Variants in HTRA4 observed in about 807,000 individuals in gnomAD.
HTRA4 encodes the protein HtrA serine peptidase 4, also known as serine protease HTRA4.
HTRA4 carries 46 observed loss-of-function variants against 49.1 expected under a neutral mutation model. The ratio of observed to expected loss-of-function variants is 0.94; its 90% CI spans 0.74 to 1.20. The LOEUF (loss-of-function observed/expected upper bound fraction) is 1.20, where lower values mean the gene tolerates loss of function less well. Ranked by LOEUF, HTRA4 falls within the 50% of genes most tolerant of loss-of-function variation. The pLI is 0.00. For missense variants in HTRA4, 602 were observed against 636.9 expected, an observed-to-expected ratio of 0.95 and a Z score of 0.59; for synonymous variants, 261 against 264.0, an observed-to-expected ratio of 0.99 and a Z score of 0.11.
chr8:38,984,212 G>A (rs1452276889), intron 8 of HTRA4, among the ~76,000 whole-genome samples: 1 of 151,774 alleles, frequency 6.6e-6, no homozygotes, highest in African/African-American at 2.4e-5. Flanking sequence ...TGTTGGCCAG[G>A]CTGGTCTCGA....
rs1835511979 is a variant in HTRA4 at position 38,988,282 on chromosome 8, A to G, written c.*184A>G. 1 of 536,620 alleles carries G rather than the reference A, an allele frequency of 1.9e-6. No individual in the cohort carries two copies. The highest frequency in any genetic ancestry group is 3.2e-6 in the Non-Finnish European group (1 of 309,302). 33.2% of individuals were successfully genotyped at this position (536,620 alleles called of 1,614,324 possible). On this transcript the variant is annotated 3_prime_UTR_variant, in exon 9 of 9. Transcript: ENST00000302495. ...TGGATAAAGCAAATGTGGTACATAT[A>G]CACCATGGAATACTATGCAGCCATA...
At chr8:38,982,359 T>G in intron 6 of HTRA4, 139 bp from the exon 7 acceptor site, 1 of 685,240 alleles carries the variant, frequency 1.5e-6, no homozygotes, top group Non-Finnish European at 2.5e-6. Context: ...ATGACAAAGG[T>G]TCTCTGAAGC....
intron 7 of HTRA4, 120 bp downstream of exon 7, chr8:38,982,675 C>G: frequency 1.1e-6 from 1 of 872,794 alleles, no homozygotes; most frequent in Non-Finnish European, 1.9e-6. Context: ...GACCATAGGC[C>G]CTATCTGTCT....
At chr8:38,983,561 T>TG (rs36097113) in intron 8 of HTRA4, among the ~76,000 whole-genome samples, 17 of 152,018 alleles carry the variant, frequency 1.1e-4, no homozygotes, top group South Asian at 4.2e-4. Flanking sequence ...AGTAGTATAT[T>TG]GGGGGGGTGT....
At chr8:38,982,693 T>C (rs906309708) in intron 7 of HTRA4, 138 bp downstream of exon 7, 75 of 754,792 alleles carry the variant, frequency 9.9e-5, no homozygotes, top group Non-Finnish European at 1.1e-4. Context: ...TCTCAGGGTA[T>C]GTATCTGCCT....
intron 2 of HTRA4, among the ~76,000 whole-genome samples, 171 bp from the exon 3 acceptor site, chr8:38,976,364 C>T (rs1369731817): frequency 6.6e-6 from 1 of 152,058 alleles, no homozygotes; most frequent in African/African-American, 2.4e-5. Flanking sequence ...CGCCACTGCA[C>T]TCCAGCTTGG....
At chr8:38,983,884 T>C (rs986751481) in intron 8 of HTRA4, among the ~76,000 whole-genome samples, 1 of 152,110 alleles carries the variant, frequency 6.6e-6, no homozygotes, top group African/African-American at 2.4e-5. Context: ...ATAGCATAAG[T>C]TTAAATTAAT....
At chr8:38,984,126 G>C (rs931121626) in intron 8 of HTRA4, among the ~76,000 whole-genome samples, 2 of 151,654 alleles carry the variant, frequency 1.3e-5, no homozygotes, top group African/African-American at 4.8e-5. Context: ...TCAGCCTCCC[G>C]AGTAGCTGGG....
chr8:38,985,161 CTTTT>C (rs773305917), intron 8 of HTRA4, among the ~76,000 whole-genome samples: 1 of 130,696 alleles, frequency 7.7e-6, no homozygotes, highest in Non-Finnish European at 1.6e-5. Context: ...TGTTGTACTT[CTTTT>C]TTTTTTTTTT....
At chr8:38,981,992 C>T (rs368288412) in intron 6 of HTRA4, among the ~76,000 whole-genome samples, 1 of 152,020 alleles carries the variant, frequency 6.6e-6, no homozygotes, top group Non-Finnish European at 1.5e-5. Context: ...GGACTACAGG[C>T]ACCCACTGCC....
At position 38,980,937 on chromosome 8, in the gene HTRA4, A is replaced by G. The variant is rs118073019; in HGVS notation, c.1000-716A>G. ...AATCCCACAGCTTTTTACCTTTTCC[A>G]TGTTTATTTTTACTTTTAAATAATA... On this transcript the variant is annotated intron_variant, in intron 5 of 8. Transcript: ENST00000302495. Among the ~76,000 whole-genome samples the G allele has an allele frequency of 1.4e-3, 216 of 152,014 alleles. 2 individuals are homozygous for G. The East Asian group carries it at 0.039, about 28-fold the overall frequency.
In HTRA4 at chr8:38,977,985, A is replaced by G; in HGVS notation, c.804A>G (p.Ser268=). The G allele has an allele frequency of 6.2e-7, 1 of 1,614,104 alleles. No individual in the cohort carries two copies. The highest frequency in any genetic ancestry group is 8.5e-7 in the Non-Finnish European group (1 of 1,180,010). ...AELPVLMLGR[S]SDLRAGEFVV... is the part of the protein sequence containing the mutation. ...TTCCTGTACTGATGCTGGGAAGATC[A>G]TCTGACCTTCGGGCTGGAGAGTTTG... Residue 268 remains serine (S), a synonymous_variant, in exon 4 of 9, where the codon TCA becomes TCG. Transcript: ENST00000302495.
intron 2 of HTRA4, 51 bp downstream of exon 2, chr8:38,975,181 T>G (rs745450440): frequency 6.4e-7 from 1 of 1,557,808 alleles, no homozygotes; most frequent in Non-Finnish European, 8.8e-7. Flanking sequence ...GGTTTCTGCG[T>G]GCCTACCTGC....
In HTRA4 at chr8:38,988,183, C is replaced by A; in HGVS notation, c.*85C>A. On this transcript the variant is annotated 3_prime_UTR_variant, in exon 9 of 9. Coordinates refer to ENST00000302495, the MANE Select transcript of HTRA4 (RefSeq NM_153692.4). Reference sequence around the variant, plus strand: ...TGTATTGGAGATGTGCCAAACATGGCAAGAAGTTTTTGGATCTTTTTCTTA... The same window carrying A: ...TGTATTGGAGATGTGCCAAACATGGAAAGAAGTTTTTGGATCTTTTTCTTA... 1 of 1,277,746 alleles carries A rather than the reference C, an allele frequency of 7.8e-7. No individual in the cohort carries two copies. The highest frequency in any genetic ancestry group is 1.0e-6 in the Non-Finnish European group (1 of 961,038). The allele number at this position is 1,277,746 out of a possible 1,614,324, so 79.2% of individuals were successfully genotyped here. A position where few individuals can be genotyped will look rare whatever the true frequency, so the allele number is the denominator to read the frequency against.
chr8:38,977,178 C>T (rs111657881), intron 3 of HTRA4, among the ~76,000 whole-genome samples: 3,598 of 152,080 alleles, frequency 0.024, 169 homozygotes, highest in African/African-American at 0.082. Flanking sequence ...TCAAGTGATC[C>T]GCCCGCTTCG....
In HTRA4 at chr8:38,977,996, G is replaced by T. The variant is rs763540442; in HGVS notation, c.815G>T (p.Arg272Leu). 6.2e-7 allele frequency: 1 copy of T among 1,613,960 alleles called. No homozygotes were observed. The highest frequency in any genetic ancestry group is 1.3e-5 in the African/African-American group (1 of 74,902). Residue 272 changes from arginine (R) to leucine (L), a missense_variant, in exon 4 of 9, where the codon CGG (arginine) becomes CTG (leucine). Arg to Leu is a moderately radical substitution (Grantham distance 102). Transcript: ENST00000302495. ...ATGCTGGGAAGATCATCTGACCTTCGGGCTGGAGAGTTTGTGGTGGCTTTG... is the reference window on the plus strand; with the variant it reads ...ATGCTGGGAAGATCATCTGACCTTCTGGCTGGAGAGTTTGTGGTGGCTTTG... The part of the protein sequence containing the change: ...VLMLGRSSDL[R>L]AGEFVVALGS...
chr8:38,975,265 C>A, intron 2 of HTRA4, 135 bp downstream of exon 2: 1 of 862,848 alleles, frequency 1.2e-6, no homozygotes, highest in East Asian at 2.6e-5. Flanking sequence ...GGTTGAATAA[C>A]CTGTTCAAGG....
intron 3 of HTRA4, among the ~76,000 whole-genome samples, chr8:38,977,365 G>T (rs960665054): frequency 1.3e-5 from 2 of 150,100 alleles, no homozygotes; most frequent in Non-Finnish European, 2.9e-5. Context: ...TGGACTCAAA[G>T]TTGCTAAGGA....
chr8:38,987,691 T>C (rs1436554763), intron 8 of HTRA4, among the ~76,000 whole-genome samples: 1 of 152,130 alleles, frequency 6.6e-6, no homozygotes, highest in African/African-American at 2.4e-5. Flanking sequence ...GGAGTAAACT[T>C]CTCACATGAT....
Sources: gnomAD v4.1 joint callset for allele counts (sites outside exome capture counted in the v4.1 genomes callset) on GRCh38, gnomAD v4.1.1 for gene constraint, MANE v1.5 for transcripts, NCBI Gene and HGNC (gene_info 2026-07-23, HGNC 2026-07-21) for gene names.